Variants in MATCAP2 observed in about 807,000 individuals in gnomAD.
MATCAP2 encodes putative tyrosine carboxypeptidase MATCAP2.
the MATCAP2 span, among the ~76,000 whole-genome samples, chr7:36,372,120 A>C: frequency 6.6e-6 from 1 of 152,174 alleles, no homozygotes; most frequent in African/African-American, 2.4e-5. Context: ...TTTTTATCTT[A>C]TTAACACAAA....
the MATCAP2 span, among the ~76,000 whole-genome samples, chr7:36,328,944 G>T: frequency 6.6e-6 from 1 of 151,654 alleles, no homozygotes; most frequent in Non-Finnish European, 1.5e-5. Context: ...TCAGGAGGCT[G>T]AGGCAGGAGA....
the MATCAP2 span, among the ~76,000 whole-genome samples, chr7:36,327,198 G>A: frequency 6.6e-6 from 1 of 152,094 alleles, no homozygotes; most frequent in African/African-American, 2.4e-5. Flanking sequence ...GAGTGCAGTG[G>A]CGTGATCTTG....
At chr7:36,350,287 A>C in the MATCAP2 span, among the ~76,000 whole-genome samples, 2 of 152,216 alleles carry the variant, frequency 1.3e-5, no homozygotes, top group African/African-American at 4.8e-5. Flanking sequence ...ATGTAATATT[A>C]TATATGTACC....
the MATCAP2 span, among the ~76,000 whole-genome samples, chr7:36,387,582 C>T: frequency 1.3e-5 from 2 of 151,992 alleles, no homozygotes; most frequent in East Asian, 1.9e-4. Flanking sequence ...GAATATCTAC[C>T]GTAGTTTCTG....
the MATCAP2 span, chr7:36,356,834 C>T: frequency 7.8e-7 from 1 of 1,279,870 alleles, no homozygotes; most frequent in Non-Finnish European, 1.1e-6. Context: ...TTTGTTTTTG[C>T]TTATAAGATC....
the MATCAP2 span, among the ~76,000 whole-genome samples, chr7:36,373,624 T>C: frequency 6.6e-6 from 1 of 152,122 alleles, no homozygotes; most frequent in African/African-American, 2.4e-5. Context: ...TAAAAATTTT[T>C]TGTAGAGATG....
the MATCAP2 span, among the ~76,000 whole-genome samples, chr7:36,348,902 G>A: frequency 6.6e-6 from 1 of 152,218 alleles, no homozygotes; most frequent in African/African-American, 2.4e-5. Flanking sequence ...GACAGGCACT[G>A]GGAAACTTGT....
chr7:36,357,073 A>G, the MATCAP2 span: 2 of 1,614,186 alleles, frequency 1.2e-6, no homozygotes, highest in South Asian at 2.2e-5. Flanking sequence ...ATTTCTTCCC[A>G]GAAAAGTCAT....
the MATCAP2 span, chr7:36,366,968 C>T: frequency 7.4e-7 from 1 of 1,343,368 alleles, no homozygotes; most frequent in South Asian, 2.0e-5. Flanking sequence ...GGGCGGCGGG[C>T]TCCGCGGGCT....
chr7:36,333,557 CAG>C, the MATCAP2 span, among the ~76,000 whole-genome samples: 1 of 150,078 alleles, frequency 6.7e-6, no homozygotes, highest in Non-Finnish European at 1.5e-5. Context: ...AAGTCAAAGA[CAG>C]AGAAAGCAAA....
chr7:36,335,811 C>T, the MATCAP2 span, among the ~76,000 whole-genome samples: 1 of 152,222 alleles, frequency 6.6e-6, no homozygotes, highest in African/African-American at 2.4e-5. Flanking sequence ...TGGCTCATGC[C>T]TGTAATCCCA....
At chr7:36,380,056 G>C in the MATCAP2 span, among the ~76,000 whole-genome samples, 1 of 152,096 alleles carries the variant, frequency 6.6e-6, no homozygotes, top group Admixed American at 6.5e-5. Context: ...GTACTGAGGT[G>C]GATGATGACC....
chr7:36,368,012 C>T, the MATCAP2 span, among the ~76,000 whole-genome samples: 1 of 151,588 alleles, frequency 6.6e-6, no homozygotes, highest in African/African-American at 2.4e-5. Flanking sequence ...TGTAGTGAGC[C>T]ATGATCGCGC....
At chr7:36,367,299 C>T in the MATCAP2 span, 1 of 1,022,066 alleles carries the variant, frequency 9.8e-7, no homozygotes, top group Non-Finnish European at 1.2e-6. Flanking sequence ...TGGGGGCGCT[C>T]GTGCGACGAA....
chr7:36,343,682 G>A, the MATCAP2 span, among the ~76,000 whole-genome samples: 1 of 148,986 alleles, frequency 6.7e-6, no homozygotes, highest in Non-Finnish European at 1.5e-5. Context: ...AAGGAAGGAA[G>A]GAAAGAAGGA....
At chr7:36,373,431 G>A in the MATCAP2 span, among the ~76,000 whole-genome samples, 1 of 152,042 alleles carries the variant, frequency 6.6e-6, no homozygotes, top group Non-Finnish European at 1.5e-5. Context: ...AATTTTTAGG[G>A]GACAAGCGAT....
the MATCAP2 span, chr7:36,389,813 A>G: frequency 7.9e-6 from 7 of 888,756 alleles, no homozygotes; most frequent in Non-Finnish European, 1.2e-5. Context: ...CCCAGCGCGC[A>G]TGCTCGCGGC....
At chr7:36,367,187 C>A in the MATCAP2 span, 1 of 1,192,112 alleles carries the variant, frequency 8.4e-7, no homozygotes, top group African/African-American at 1.6e-5. Flanking sequence ...CGGTGCCCAG[C>A]AGCGCTTAGA....
At chr7:36,346,675 G>A in the MATCAP2 span, among the ~76,000 whole-genome samples, 1 of 152,170 alleles carries the variant, frequency 6.6e-6, no homozygotes, top group Non-Finnish European at 1.5e-5. Context: ...TTCTTTTTGA[G>A]GTGACGAAAT....
Sources: allele counts gnomAD v4.1 joint callset (sites outside exome capture counted in the v4.1 genomes callset), GRCh38; gene constraint gnomAD v4.1.1; transcripts MANE v1.5; gene names NCBI Gene and HGNC (gene_info 2026-07-23, HGNC 2026-07-21).